Variants in DPYD observed in about 807,000 individuals in gnomAD.
The protein encoded by DPYD is dihydropyrimidine dehydrogenase, also known as dihydropyrimidine dehydrogenase [NADP(+)].
In DPYD, 109 loss-of-function variants were observed where a neutral mutation model predicts 116.2. That is an observed-to-expected ratio of 0.94 (90% CI 0.80 to 1.10). The LOEUF (loss-of-function observed/expected upper bound fraction) is 1.10. Ranked by LOEUF, DPYD falls within the 50% of genes least tolerant of loss-of-function variation. DPYD has a pLI of 0.00. For missense variants in DPYD, 1,302 were observed against 1,254.5 expected, an observed-to-expected ratio of 1.04 and a Z score of -0.57; for synonymous variants, 440 against 432.0, an observed-to-expected ratio of 1.02 and a Z score of -0.23.
At chr1:97,443,407 CA>C (rs1675909649) in intron 14 of DPYD, among the ~76,000 whole-genome samples, 1 of 152,046 alleles carries the variant, frequency 6.6e-6, no homozygotes, top group South Asian at 2.1e-4. Flanking sequence ...AGCTCTAGCA[CA>C]AAAAAACTGA....
intron 10 of DPYD, among the ~76,000 whole-genome samples, chr1:97,592,696 A>G (rs1654606922): frequency 6.6e-6 from 1 of 152,188 alleles, no homozygotes; most frequent in African/African-American, 2.4e-5. Flanking sequence ...CTAACTAACT[A>G]CTAATTTTGA....
intron 18 of DPYD, among the ~76,000 whole-genome samples, chr1:97,239,801 C>T (rs749009195): frequency 1.3e-5 from 2 of 151,814 alleles, no homozygotes; most frequent in South Asian, 4.1e-4. Context: ...TAAATCCCAC[C>T]GAATCTCAAT....
intron 3 of DPYD, among the ~76,000 whole-genome samples, chr1:97,758,556 G>T (rs1311157470): frequency 1.3e-5 from 2 of 152,068 alleles, no homozygotes; most frequent in Non-Finnish European, 2.9e-5. Context: ...ATCCACAGCA[G>T]TAAAAATGAT....
At chr1:97,487,641 C>T (rs1678723485) in intron 13 of DPYD, among the ~76,000 whole-genome samples, 1 of 152,132 alleles carries the variant, frequency 6.6e-6, no homozygotes, top group South Asian at 2.1e-4. Context: ...CCACTGCACT[C>T]CAGCCTGGGC....
At chr1:97,303,784 G>C (rs1248754321) in intron 18 of DPYD, among the ~76,000 whole-genome samples, 2 of 151,942 alleles carry the variant, frequency 1.3e-5, no homozygotes, top group African/African-American at 4.8e-5. Context: ...TAAAATGAAA[G>C]TTCTACCCAG....
intron 20 of DPYD, among the ~76,000 whole-genome samples, chr1:97,108,252 T>C (rs1044580558): frequency 6.6e-5 from 10 of 152,282 alleles, no homozygotes; most frequent in African/African-American, 2.4e-4. Flanking sequence ...CACTTTGCTG[T>C]CAGCTGGTTT....
rs1251985745 is a variant in DPYD, at chr1:97,494,991, AG to A, written c.1740+20734del. 2.6e-5 allele frequency among the ~76,000 whole-genome samples: 4 copies of A among 152,286 alleles called. No homozygotes were observed. The East Asian group carries it at 7.8e-4, about 30-fold the overall frequency. On this transcript the variant is annotated intron_variant, in intron 13 of 22. Transcript: ENST00000370192. ...GGCACCCTCAGGCAGTTTTACCTTGAGTAATGAGCGGCCTGCGCATCCATGT... is the reference window on the plus strand; with the variant it reads ...GGCACCCTCAGGCAGTTTTACCTTGATAATGAGCGGCCTGCGCATCCATGT...
intron 14 of DPYD, among the ~76,000 whole-genome samples, chr1:97,390,759 GATGTTT>G (rs1474934404): frequency 1.3e-5 from 2 of 151,878 alleles, no homozygotes; most frequent in African/African-American, 4.8e-5. Context: ...AAAAATCAGA[GATGTTT>G]TCCAACACAA....
At chr1:97,872,967 T>C (rs190287077) in intron 2 of DPYD, among the ~76,000 whole-genome samples, 1 of 151,924 alleles carries the variant, frequency 6.6e-6, no homozygotes, top group Admixed American at 6.6e-5. Flanking sequence ...ATTCCTCTTT[T>C]TCCTTCCTTC....
intron 8 of DPYD, among the ~76,000 whole-genome samples, chr1:97,618,377 C>CTT (rs71758165): frequency 2.9e-5 from 4 of 136,358 alleles, no homozygotes; most frequent in African/African-American, 5.4e-5. Context: ...GATTTTTTTT[C>CTT]TTTTTTTTTT....
chr1:97,082,022 C>T (rs1649191887), intron 22 of DPYD, among the ~76,000 whole-genome samples: 1 of 152,060 alleles, frequency 6.6e-6, no homozygotes, highest in South Asian at 2.1e-4. Context: ...ATAATGCTTT[C>T]CTAGTATTCC....
intron 13 of DPYD, among the ~76,000 whole-genome samples, chr1:97,465,350 G>A (rs1227246982): frequency 6.6e-6 from 1 of 152,128 alleles, no homozygotes; most frequent in Admixed American, 6.6e-5. Flanking sequence ...AAGATTCTGG[G>A]GGACTGTTGG....
rs542570552 is a variant in DPYD, at chr1:97,654,205, ATC to A, written c.850+24888_850+24889del. 4.4e-3 allele frequency among the ~76,000 whole-genome samples: 677 copies of A among 152,332 alleles called. 3 individuals are homozygous for A. Among genetic ancestry groups the A allele is most frequent in the Admixed American group, 7.0e-3 (107 of 15,290 alleles). ...CTGCTTCCATAACGCATTTGAAATA[ATC>A]TAATATGATGGATAGATAATTACAA... On this transcript the variant is annotated intron_variant, in intron 8 of 22. Coordinates refer to ENST00000370192, the MANE Select transcript of DPYD (RefSeq NM_000110.4).
rs12082798 is a variant in DPYD at position 97,390,129 on chromosome 1, T to C, written c.1906-7668A>G. Among the ~76,000 whole-genome samples the C allele has an allele frequency of 7.6e-3, 1,156 of 152,180 alleles. 16 individuals carry two copies. The highest frequency in any genetic ancestry group is 0.027 in the African/African-American group (1,104 of 41,548). ...TTGTCAAATTCCCATTGACTTCAGGTCTATGCTTTTTAAAACACATTGACA... is the reference window on the plus strand; with the variant it reads ...TTGTCAAATTCCCATTGACTTCAGGCCTATGCTTTTTAAAACACATTGACA... On this transcript the variant is annotated intron_variant, in intron 14 of 22. Transcript: ENST00000370192.
chr1:97,775,708 A>C (rs1390773120), intron 3 of DPYD, among the ~76,000 whole-genome samples: 1 of 152,084 alleles, frequency 6.6e-6, no homozygotes, highest in African/African-American at 2.4e-5. Flanking sequence ...CTTCCTCCTC[A>C]GGATGTCATC....
At chr1:97,903,662 C>CT in intron 1 of DPYD, among the ~76,000 whole-genome samples, 1 of 152,022 alleles carries the variant, frequency 6.6e-6, no homozygotes, top group Middle Eastern at 3.4e-3. Context: ...TACAATTCAT[C>CT]TTTTTTCACA....
At chr1:97,208,462 T>A (rs570214912) in intron 19 of DPYD, among the ~76,000 whole-genome samples, 104 of 152,004 alleles carry the variant, frequency 6.8e-4, no homozygotes, top group South Asian at 1.9e-3. Context: ...TTTCTTAATT[T>A]TTTTGTAGAG....
chr1:97,600,720 C>T (rs1655196293), intron 8 of DPYD, among the ~76,000 whole-genome samples: 1 of 152,070 alleles, frequency 6.6e-6, no homozygotes. Context: ...TAAATGTTTC[C>T]TTTAATTTTC....
chr1:97,861,740 C>T (rs1462855437), intron 2 of DPYD, among the ~76,000 whole-genome samples: 1 of 151,890 alleles, frequency 6.6e-6, no homozygotes, highest in Non-Finnish European at 1.5e-5. Context: ...TATAATTTTA[C>T]ACCCCAACGT....
Sources: allele counts gnomAD v4.1 joint callset (sites outside exome capture counted in the v4.1 genomes callset), GRCh38; gene constraint gnomAD v4.1.1; transcripts MANE v1.5; gene names NCBI Gene and HGNC (gene_info 2026-07-23, HGNC 2026-07-21).